The following TDRD9 variants were observed in gnomAD, a reference collection of about 807,000 sequenced individuals.
TDRD9 encodes ATP-dependent RNA helicase TDRD9.
A neutral mutation model predicts 172.6 loss-of-function variants in TDRD9; 124 were observed. That is an observed-to-expected ratio of 0.72 (90% CI 0.62 to 0.83). The LOEUF (loss-of-function observed/expected upper bound fraction) is 0.83. Ranked by LOEUF, TDRD9 falls within the 40% of genes least tolerant of loss-of-function variation. The pLI, the probability that TDRD9 is intolerant of heterozygous loss-of-function variation, is 0.00. For missense variants in TDRD9, 1,479 were observed against 1,714.1 expected (o/e 0.86, Z 2.42); for synonymous variants, 619 against 617.1 (o/e 1.00, Z -0.05).
chr14:104,023,376 T>G (rs1049414184), intron 24 of TDRD9, among the ~76,000 whole-genome samples: 7 of 152,222 alleles, frequency 4.6e-5, no homozygotes, highest in African/African-American at 1.7e-4. Flanking sequence ...TGGAATATTT[T>G]TTGTCTTCAA....
At chr14:104,014,553 T>C (rs2034724481) in intron 20 of TDRD9, among the ~76,000 whole-genome samples, 172 bp from the exon 21 acceptor site, 1 of 152,110 alleles carries the variant, frequency 6.6e-6, no homozygotes, top group South Asian at 2.1e-4. Flanking sequence ...AGTGCTGGGA[T>C]TAGAGGTGTG....
At position 103,980,018 on chromosome 14, in the gene TDRD9, G is replaced by A. The variant is rs1292530295; in HGVS notation, c.1011+4465G>A. On this transcript the variant is annotated intron_variant, in intron 7 of 35. Transcript: ENST00000409874. This position sits in a 1 kb window ranked among gnomAD's most constrained non-coding sequence, Gnocchi z 4.5. ...AGCCTTCCAAGAAGCTATGACTACA[G>A]ATGCATACCACCATGCTTGGCTAAT... Among the ~76,000 whole-genome samples, 1 of 151,926 alleles carries A rather than the reference G, an allele frequency of 6.6e-6. No homozygotes were observed. Among genetic ancestry groups the A allele is most frequent in the Non-Finnish European group, 1.5e-5 (1 of 68,008 alleles).
At chr14:103,931,968 A>G (rs536067514) in intron 1 of TDRD9, among the ~76,000 whole-genome samples, 1 of 152,324 alleles carries the variant, frequency 6.6e-6, no homozygotes, top group South Asian at 2.1e-4. Flanking sequence ...GGAAATGGGT[A>G]CCTCAGTCCT....
chr14:104,026,110 T>C lies in TDRD9; in HGVS notation c.2995T>C (p.Cys999Arg). The change falls in exon 27 of 36, where the codon TGT becomes CGT. Residue 999 changes from cysteine (C) to arginine (R), a missense_variant. Cys to Arg is a radical substitution (Grantham distance 180). Around this residue, in one of 3 missense-constraint regions of TDRD9, gnomAD observed 1,413 missense variants for 1,649.1 expected, o/e 0.86. Coordinates refer to ENST00000409874, the MANE Select transcript of TDRD9 (RefSeq NM_153046.3). ...VDLHLLMEIP[C>R]QFLELPFQAL... ...TCTACATCTTTTGATGGAGATTCCCTGTCAATTTCTTGAACTTCCTTTCCA... is the reference window on the plus strand; with the variant it reads ...TCTACATCTTTTGATGGAGATTCCCCGTCAATTTCTTGAACTTCCTTTCCA... 1 of 1,610,026 alleles carries C rather than the reference T, an allele frequency of 6.2e-7. No homozygotes were observed. The highest frequency in any genetic ancestry group is 8.5e-7 in the Non-Finnish European group (1 of 1,176,322).
At chr14:103,995,178 C>T (rs915548918) in intron 11 of TDRD9, among the ~76,000 whole-genome samples, 6 of 152,152 alleles carry the variant, frequency 3.9e-5, no homozygotes, top group Admixed American at 6.5e-5. Flanking sequence ...GGACTGTTCT[C>T]GTGTCCTTGA....
chr14:104,013,220 C>T (rs995717850), intron 20 of TDRD9, among the ~76,000 whole-genome samples: 1 of 152,114 alleles, frequency 6.6e-6, no homozygotes, highest in Non-Finnish European at 1.5e-5. Context: ...TTTGTGGTGA[C>T]TTAATTTATG....
intron 24 of TDRD9, among the ~76,000 whole-genome samples, chr14:104,023,208 A>AAAG (rs2035018513): frequency 6.6e-6 from 1 of 150,444 alleles, no homozygotes; most frequent in African/African-American, 2.5e-5. Flanking sequence ...AAAAAAAAAA[A>AAAG]AAAAAAGGAT....
intron 26 of TDRD9, 32 bp from the exon 27 acceptor site, chr14:104,026,015 G>A (rs369199514): frequency 1.7e-5 from 25 of 1,433,714 alleles, no homozygotes; most frequent in East Asian, 1.1e-4. Flanking sequence ...TTTTGACCCC[G>A]TCGTAAAGTG....
intron 1 of TDRD9, chr14:103,941,745 GTTC>G (rs1395933300): frequency 7.6e-7 from 1 of 1,315,536 alleles, no homozygotes; most frequent in South Asian, 1.5e-5. Context: ...AAAATGTTAT[GTTC>G]TTCTGAGCAA....
intron 23 of TDRD9, 51 bp downstream of exon 23, chr14:104,018,243 C>A: frequency 8.7e-7 from 1 of 1,145,772 alleles, no homozygotes; most frequent in South Asian, 1.4e-5. Context: ...CATAATGATT[C>A]AAATGTTTCC....
chr14:104,007,639 G>GTT (rs61640199), intron 19 of TDRD9, among the ~76,000 whole-genome samples: 256 of 144,338 alleles, frequency 1.8e-3, no homozygotes, highest in Non-Finnish European at 2.6e-3. Flanking sequence ...CCATTTTATT[G>GTT]TTTTTTTTTT....
chr14:104,038,633 G>A (rs1198107205), intron 32 of TDRD9, among the ~76,000 whole-genome samples: 2 of 152,196 alleles, frequency 1.3e-5, no homozygotes, highest in Non-Finnish European at 1.5e-5. Context: ...TGGTGGGTTG[G>A]TGCTGAGGGT....
At chr14:104,004,783 A>C (rs9671921) in intron 14 of TDRD9, among the ~76,000 whole-genome samples, 6 of 151,970 alleles carry the variant, frequency 3.9e-5, no homozygotes, top group African/African-American at 1.2e-4. Context: ...TATTGATTAC[A>C]CATCAGGCTA....
chr14:103,998,376 A>G (rs911631190), intron 12 of TDRD9, among the ~76,000 whole-genome samples: 24 of 152,044 alleles, frequency 1.6e-4, no homozygotes, highest in African/African-American at 5.8e-4. Context: ...AGGCCTTTTT[A>G]TGACACGTTG....
chr14:104,040,946 G>A (rs71417892), intron 33 of TDRD9, among the ~76,000 whole-genome samples: 18,462 of 152,246 alleles, frequency 0.12, 1,430 homozygotes, highest in South Asian at 0.18. Flanking sequence ...ATCTTTCATC[G>A]TTATAGTAAT....
chr14:103,984,637 C>T (rs1371197435), intron 7 of TDRD9, among the ~76,000 whole-genome samples: 1 of 152,176 alleles, frequency 6.6e-6, no homozygotes, highest in Non-Finnish European at 1.5e-5. Flanking sequence ...AGGGGCGGAG[C>T]TCTCATGGAG....
chr14:103,943,775 T>C (rs936709843), intron 1 of TDRD9, among the ~76,000 whole-genome samples: 2 of 152,246 alleles, frequency 1.3e-5, no homozygotes, highest in Non-Finnish European at 2.9e-5. Flanking sequence ...TTGTTTCTTC[T>C]GTTGCTTTTC....
chr14:104,003,031 A>G (rs1031006423), intron 13 of TDRD9, among the ~76,000 whole-genome samples: 7 of 151,934 alleles, frequency 4.6e-5, no homozygotes, highest in African/African-American at 1.7e-4. Flanking sequence ...TAATTTAACA[A>G]CTTTCCCTTT....
chr14:104,037,780 C>T (rs1297764975), intron 32 of TDRD9, among the ~76,000 whole-genome samples: 1 of 152,140 alleles, frequency 6.6e-6, no homozygotes, highest in Admixed American at 6.5e-5. Flanking sequence ...AGCCTTGGTG[C>T]CAGCTTTCCT....
Sources: allele counts gnomAD v4.1 joint callset (sites outside exome capture counted in the v4.1 genomes callset), GRCh38; gene constraint gnomAD v4.1.1; regional missense constraint gnomAD v4.1.1; non-coding constraint Gnocchi (gnomAD v3.1); transcripts MANE v1.5; gene names NCBI Gene and HGNC (gene_info 2026-07-23, HGNC 2026-07-21).